The following NRG3 variants were observed in gnomAD, a reference collection of about 807,000 sequenced individuals.
NRG3 encodes the protein neuregulin 3, also known as pro-neuregulin-3, membrane-bound isoform.
Under a neutral mutation model 66.9 loss-of-function variants are expected in NRG3, and 31 were observed. The observed-to-expected ratio is 0.46, with a 90% CI of 0.35 to 0.63. NRG3 has a LOEUF of 0.63. Among genes scored for constraint, NRG3 ranks in the 20% least tolerant of loss-of-function variants. The probability of loss-of-function intolerance (pLI) is 0.00; values close to 1 mark genes in which losing one functional copy is unlikely to be tolerated. For synonymous variants in NRG3, 393 were observed against 359.4 expected (o/e 1.09, Z -1.06); for missense variants, 910 against 878.9 (o/e 1.04, Z -0.45).
At chr10:82,868,779 G>A (rs1291685054) in intron 4 of NRG3, among the ~76,000 whole-genome samples, 10 of 152,102 alleles carry the variant, frequency 6.6e-5, no homozygotes, top group East Asian at 1.9e-4. Flanking sequence ...TGCAACCTCC[G>A]CCTCCCAAGT....
chr10:82,953,338 G>T (rs1199145442), intron 5 of NRG3, among the ~76,000 whole-genome samples: 1 of 151,964 alleles, frequency 6.6e-6, no homozygotes, highest in Non-Finnish European at 1.5e-5. Flanking sequence ...TGACAGATAG[G>T]TTCTTTAATT....
intron 6 of NRG3, among the ~76,000 whole-genome samples, chr10:82,964,860 T>C (rs1423627803): frequency 1.3e-5 from 2 of 152,230 alleles, no homozygotes; most frequent in Non-Finnish European, 2.9e-5. Context: ...TGACTCCTGC[T>C]GTGTGCATGT....
intron 2 of NRG3, among the ~76,000 whole-genome samples, chr10:82,557,486 TC>T (rs1206728096): frequency 6.6e-6 from 1 of 152,178 alleles, no homozygotes; most frequent in East Asian, 1.9e-4. Context: ...AATGTTTTTT[TC>T]TTGCAAATTT....
chr10:82,860,625 A>C (rs2135915666), intron 3 of NRG3, among the ~76,000 whole-genome samples: 1 of 152,348 alleles, frequency 6.6e-6, no homozygotes, highest in African/African-American at 2.4e-5. Flanking sequence ...GTACGCAGTA[A>C]GTGCTCAGTA....
intron 1 of NRG3, among the ~76,000 whole-genome samples, chr10:82,351,652 T>G (rs1303157609): frequency 6.6e-6 from 1 of 152,172 alleles, no homozygotes; most frequent in Non-Finnish European, 1.5e-5. Flanking sequence ...ACATACATGC[T>G]ACTCACTGCT....
intron 2 of NRG3, among the ~76,000 whole-genome samples, chr10:82,647,311 T>A (rs1050441343): frequency 1.3e-5 from 2 of 152,148 alleles, no homozygotes; most frequent in Non-Finnish European, 2.9e-5. Flanking sequence ...AGTTTCATCC[T>A]TGTCCCTACA....
chr10:82,061,863 A>ATCTCTCTCT (rs2064166214), intron 1 of NRG3, among the ~76,000 whole-genome samples: 2 of 148,294 alleles, frequency 1.3e-5, no homozygotes, highest in African/African-American at 2.6e-5. Context: ...TCTCTCTCTC[A>ATCTCTCTCT]CACACACAAA....
chr10:82,153,493 T>C (rs1402251865), intron 1 of NRG3, among the ~76,000 whole-genome samples: 4 of 151,872 alleles, frequency 2.6e-5, no homozygotes, highest in Middle Eastern at 3.4e-3. Context: ...TTTTATACCT[T>C]GGCTAATGTG....
At chr10:81,970,555 G>T (rs1228512771) in intron 1 of NRG3, among the ~76,000 whole-genome samples, 1 of 152,106 alleles carries the variant, frequency 6.6e-6, no homozygotes, top group African/African-American at 2.4e-5. Flanking sequence ...GATGCCATGG[G>T]TTAGCATTTT....
intron 1 of NRG3, among the ~76,000 whole-genome samples, chr10:82,274,298 A>T (rs923394727): frequency 2.6e-5 from 4 of 152,076 alleles, no homozygotes; most frequent in African/African-American, 9.7e-5. Context: ...TCCCATGCTC[A>T]TAGAAACTTC....
intron 3 of NRG3, among the ~76,000 whole-genome samples, chr10:82,860,048 G>A (rs566235653): frequency 1.3e-5 from 2 of 152,194 alleles, no homozygotes; most frequent in African/African-American, 2.4e-5. Context: ...AAGATCATTT[G>A]GTTCAATGTT....
chr10:82,254,884 G>C (rs1353784416), intron 1 of NRG3, among the ~76,000 whole-genome samples: 1 of 152,096 alleles, frequency 6.6e-6, no homozygotes, highest in Non-Finnish European at 1.5e-5. Flanking sequence ...GAGAAAAAGA[G>C]ACCAATATGC....
intron 2 of NRG3, among the ~76,000 whole-genome samples, chr10:82,456,779 G>A (rs528747703): frequency 3.0e-4 from 46 of 152,092 alleles, no homozygotes; most frequent in African/African-American, 1.1e-3. Context: ...CATTAGAAAC[G>A]CTGCAGCAAG....
chr10:82,493,491 T>C (rs1564987328), intron 2 of NRG3, among the ~76,000 whole-genome samples: 1 of 152,210 alleles, frequency 6.6e-6, no homozygotes, highest in African/African-American at 2.4e-5. Flanking sequence ...TAGTATTCCA[T>C]GGTGTATATG....
chr10:82,976,354 C>G lies in NRG3; in HGVS notation c.1412+2439C>G, dbSNP rs79508856. ...TACAGGTGTGAGCCACTGTGCCCCA[C>G]CATGCCACTTATAAAAAGCATGTAT... On this transcript the variant is annotated intron_variant, in intron 7 of 8. Transcript: ENST00000372141. Among the ~76,000 whole-genome samples the G allele has an allele frequency of 2.1e-3, 326 of 152,288 alleles. 1 individual carries two copies. The highest frequency in any genetic ancestry group is 7.2e-3 in the African/African-American group (300 of 41,550).
chr10:82,220,024 C>T (rs2075861832), intron 1 of NRG3, among the ~76,000 whole-genome samples: 1 of 151,688 alleles, frequency 6.6e-6, no homozygotes, highest in South Asian at 2.1e-4. Context: ...AAGAAAATCA[C>T]AAATACCAAA....
chr10:82,293,781 TG>T (rs1401202180), intron 1 of NRG3, among the ~76,000 whole-genome samples: 17 of 152,220 alleles, frequency 1.1e-4, no homozygotes, highest in African/African-American at 3.9e-4. Flanking sequence ...TTTATCTTGA[TG>T]TACCTGCTTC....
intron 2 of NRG3, among the ~76,000 whole-genome samples, chr10:82,597,123 A>G (rs1024149278): frequency 6.6e-6 from 1 of 152,230 alleles, no homozygotes; most frequent in Non-Finnish European, 1.5e-5. Flanking sequence ...TAAAGAAGTA[A>G]AAGAGATCTT....
intron 2 of NRG3, among the ~76,000 whole-genome samples, chr10:82,612,131 T>C (rs2048354930): frequency 6.6e-6 from 1 of 152,200 alleles, no homozygotes; most frequent in Admixed American, 6.5e-5. Context: ...TTCTTGTATA[T>C]TTGTTTAAAT....
Sources: gnomAD v4.1 joint callset for allele counts (sites outside exome capture counted in the v4.1 genomes callset) on GRCh38, gnomAD v4.1.1 for gene constraint, MANE v1.5 for transcripts, NCBI Gene and HGNC (gene_info 2026-07-23, HGNC 2026-07-21) for gene names.